MIPOL1: variants seen among roughly 807,000 people sequenced by gnomAD.
The protein encoded by MIPOL1 is mirror-image polydactyly 1, also known as mirror-image polydactyly gene 1 protein.
Under a neutral mutation model 60.9 loss-of-function variants are expected in MIPOL1, and 57 were observed. That is an observed-to-expected ratio of 0.94 (90% CI 0.76 to 1.17). The LOEUF is 1.17. Ranked by LOEUF, MIPOL1 falls within the 50% of genes most tolerant of loss-of-function variation. The probability of loss-of-function intolerance (pLI) is 0.00; values close to 1 mark genes in which losing one functional copy is unlikely to be tolerated. For synonymous variants in MIPOL1, 179 were observed against 168.8 expected (o/e 1.06, Z -0.47); for missense variants, 551 against 511.6 (o/e 1.08, Z -0.74).
chr14:37,342,968 G>C (rs1334506109), intron 9 of MIPOL1, among the ~76,000 whole-genome samples: 3 of 149,260 alleles, frequency 2.0e-5, no homozygotes, highest in Non-Finnish European at 4.4e-5. Context: ...TAGTATTTTA[G>C]GATTGTTTAT....
At chr14:37,429,561 ATACT>A (rs1326945421) in intron 11 of MIPOL1, among the ~76,000 whole-genome samples, 1 of 152,150 alleles carries the variant, frequency 6.6e-6, no homozygotes, top group African/African-American at 2.4e-5. Context: ...ATTATATGAA[ATACT>A]TACGTGTTTA....
At chr14:37,438,051 A>C in intron 11 of MIPOL1, among the ~76,000 whole-genome samples, 1 of 152,138 alleles carries the variant, frequency 6.6e-6, no homozygotes, top group East Asian at 1.9e-4. Flanking sequence ...AGGCATTTAA[A>C]AAAATATTTT....
intron 1 of MIPOL1, among the ~76,000 whole-genome samples, chr14:37,205,628 C>T (rs1460475176): frequency 6.6e-6 from 1 of 152,116 alleles, no homozygotes; most frequent in East Asian, 1.9e-4. Context: ...AGCTCCCCAT[C>T]CCCCAACAGG....
intron 11 of MIPOL1, among the ~76,000 whole-genome samples, chr14:37,434,961 C>T (rs963871070): frequency 2.0e-5 from 3 of 151,840 alleles, no homozygotes; most frequent in South Asian, 2.1e-4. Context: ...AACCATCACA[C>T]GTGCATTTCA....
At chr14:37,402,458 C>A (rs1049170613) in intron 10 of MIPOL1, among the ~76,000 whole-genome samples, 3 of 151,994 alleles carry the variant, frequency 2.0e-5, no homozygotes, top group African/African-American at 7.2e-5. Context: ...TGCCAATGAG[C>A]AAAATAGGAA....
At chr14:37,458,488 G>C (rs888155255) in intron 11 of MIPOL1, among the ~76,000 whole-genome samples, 5 of 152,050 alleles carry the variant, frequency 3.3e-5, no homozygotes. Context: ...GACCACAGTG[G>C]AATAAAACTA....
intron 11 of MIPOL1, among the ~76,000 whole-genome samples, chr14:37,483,748 G>C (rs995377089): frequency 6.6e-6 from 1 of 151,984 alleles, no homozygotes; most frequent in Non-Finnish European, 1.5e-5. Context: ...CAATCCTCCT[G>C]CCTCAGCCTC....
intron 1 of MIPOL1, among the ~76,000 whole-genome samples, chr14:37,239,115 G>A (rs956807636): frequency 2.7e-5 from 4 of 146,588 alleles, no homozygotes; most frequent in African/African-American, 7.7e-5. Context: ...AGTGGCGCTC[G>A]GCTCACTGCA....
chr14:37,426,304 T>C (rs924312305), intron 11 of MIPOL1, among the ~76,000 whole-genome samples: 3 of 151,630 alleles, frequency 2.0e-5, no homozygotes, highest in African/African-American at 7.3e-5. Context: ...CTACATAAAG[T>C]AGGGGTCAGT....
chr14:37,443,614 C>T (rs2094285922), intron 11 of MIPOL1, among the ~76,000 whole-genome samples: 1 of 151,610 alleles, frequency 6.6e-6, no homozygotes, highest in Non-Finnish European at 1.5e-5. Context: ...TTAACACAAA[C>T]ATTTTCAGAA....
chr14:37,203,610 GATT>G (rs1257887650), intron 1 of MIPOL1, among the ~76,000 whole-genome samples: 1 of 152,098 alleles, frequency 6.6e-6, no homozygotes, highest in African/African-American at 2.4e-5. Flanking sequence ...TCTCAGATTA[GATT>G]ACAAAATCTA....
At chr14:37,394,275 C>G (rs2153523013) in intron 10 of MIPOL1, among the ~76,000 whole-genome samples, 1 of 151,656 alleles carries the variant, frequency 6.6e-6, no homozygotes, top group Admixed American at 6.6e-5. Flanking sequence ...TGCATAGATA[C>G]CCAGTAGTGG....
At chr14:37,468,177 T>C (rs779085353) in intron 11 of MIPOL1, among the ~76,000 whole-genome samples, 27 of 152,058 alleles carry the variant, frequency 1.8e-4, no homozygotes, top group Non-Finnish European at 3.5e-4. Context: ...TGTGTGTGTG[T>C]GTGTGTGCAA....
chr14:37,316,151 C>T (rs1259258948), intron 9 of MIPOL1, among the ~76,000 whole-genome samples: 3 of 151,874 alleles, frequency 2.0e-5, no homozygotes, highest in Middle Eastern at 3.4e-3. Context: ...CTCAGCCTCT[C>T]GAGTAGCTGG....
At chr14:37,516,286 G>GT (rs1320860369) in intron 12 of MIPOL1, among the ~76,000 whole-genome samples, 1 of 152,082 alleles carries the variant, frequency 6.6e-6, no homozygotes, top group Non-Finnish European at 1.5e-5. Flanking sequence ...AAGTCTTTTT[G>GT]TTTTTTCAAC....
At chr14:37,406,721 C>T (rs2153535002) in intron 10 of MIPOL1, among the ~76,000 whole-genome samples, 1 of 152,066 alleles carries the variant, frequency 6.6e-6, no homozygotes, top group Middle Eastern at 3.4e-3. Context: ...GAACAGTTGG[C>T]TTGGTAGATG....
intron 11 of MIPOL1, among the ~76,000 whole-genome samples, chr14:37,446,426 AGGTGCTGGAGAGGATGTG>A (rs2094336060): frequency 6.6e-6 from 1 of 152,130 alleles, no homozygotes; most frequent in African/African-American, 2.4e-5. Context: ...AGGAAACAAC[AGGTGCTGGAGAGGATGTG>A]GAGAAATAGG....
chr14:37,480,808 C>T (rs563792602), intron 11 of MIPOL1, among the ~76,000 whole-genome samples: 52 of 152,076 alleles, frequency 3.4e-4, no homozygotes, highest in Middle Eastern at 6.8e-3. Context: ...CCTGAAGACT[C>T]CACAAAAAAA....
chr14:37,434,130 C>CTAATT (rs1180745925), intron 11 of MIPOL1, among the ~76,000 whole-genome samples: 2 of 152,182 alleles, frequency 1.3e-5, no homozygotes, highest in Admixed American at 6.5e-5. Context: ...AATGGTTGAA[C>CTAATT]TAATTTACAC....
Sources: allele counts gnomAD v4.1 joint callset (sites outside exome capture counted in the v4.1 genomes callset), GRCh38; gene constraint gnomAD v4.1.1; transcripts MANE v1.5; gene names NCBI Gene and HGNC (gene_info 2026-07-23, HGNC 2026-07-21).